FHIT: variants seen among roughly 807,000 people sequenced by gnomAD.
The protein encoded by FHIT is bis(5'-adenosyl)-triphosphatase.
FHIT carries 19 observed loss-of-function variants against 17.9 expected under a neutral mutation model. The observed-to-expected ratio is 1.06, with a 90% CI of 0.74 to 1.56. The LOEUF (loss-of-function observed/expected upper bound fraction) is 1.56. FHIT is among the 40% of genes most tolerant of loss of function. FHIT has a pLI of 0.00. For synonymous variants in FHIT, 81 were observed against 69.7 expected (o/e 1.16, Z -0.81); for missense variants, 248 against 189.2 (o/e 1.31, Z -1.82).
intron 5 of FHIT, among the ~76,000 whole-genome samples, chr3:60,518,778 G>A (rs2035251737): frequency 6.6e-6 from 1 of 152,212 alleles, no homozygotes; most frequent in Non-Finnish European, 1.5e-5. Flanking sequence ...GGAGGCAGAG[G>A]CAGGCAGATT....
At chr3:60,130,567 T>C (rs901476516) in intron 5 of FHIT, among the ~76,000 whole-genome samples, 3 of 152,168 alleles carry the variant, frequency 2.0e-5, no homozygotes, top group Non-Finnish European at 2.9e-5. Flanking sequence ...CTGATCTGTA[T>C]TTTTATACAA....
intron 4 of FHIT, among the ~76,000 whole-genome samples, chr3:60,653,137 C>G (rs1380356366): frequency 6.6e-5 from 10 of 152,060 alleles, no homozygotes; most frequent in African/African-American, 2.4e-4. Flanking sequence ...ACAAGAAAGT[C>G]TACCACAGAA....
At chr3:60,706,302 C>G (rs1283543398) in intron 4 of FHIT, among the ~76,000 whole-genome samples, 2 of 152,104 alleles carry the variant, frequency 1.3e-5, no homozygotes, top group East Asian at 3.9e-4. Context: ...GGCTTAAAAC[C>G]TAGATGACAG....
chr3:59,774,692 C>A (rs575614), intron 8 of FHIT, among the ~76,000 whole-genome samples: 4 of 151,926 alleles, frequency 2.6e-5, no homozygotes, highest in Non-Finnish European at 4.4e-5. Flanking sequence ...AATTAAAGAC[C>A]TAGGAGAGTG....
At chr3:60,258,098 A>ACC (rs767569578) in intron 5 of FHIT, among the ~76,000 whole-genome samples, 7 of 147,904 alleles carry the variant, frequency 4.7e-5, no homozygotes, top group African/African-American at 1.7e-4. Flanking sequence ...ACACACACAC[A>ACC]CACCTCTGCA....
At chr3:60,424,183 C>CAG (rs1347351025) in intron 5 of FHIT, among the ~76,000 whole-genome samples, 1 of 152,086 alleles carries the variant, frequency 6.6e-6, no homozygotes, top group African/African-American at 2.4e-5. Context: ...CGCTGAAGTT[C>CAG]AGAGAGGTTA....
intron 4 of FHIT, among the ~76,000 whole-genome samples, chr3:60,578,025 C>T (rs2037627343): frequency 6.6e-6 from 1 of 152,036 alleles, no homozygotes; most frequent in Non-Finnish European, 1.5e-5. Flanking sequence ...GCATCATGTA[C>T]CAAAGGGATA....
intron 5 of FHIT, among the ~76,000 whole-genome samples, chr3:60,151,565 G>A (rs756289041): frequency 1.4e-4 from 21 of 152,064 alleles, no homozygotes; most frequent in Non-Finnish European, 1.6e-4. Flanking sequence ...GACTTACAAG[G>A]TCTTCTCGAT....
chr3:61,186,146 A>C (rs1255991120), intron 2 of FHIT, among the ~76,000 whole-genome samples: 1 of 152,212 alleles, frequency 6.6e-6, no homozygotes, highest in Non-Finnish European at 1.5e-5. Context: ...ATAAGTACTC[A>C]AAAATAAACC....
intron 2 of FHIT, among the ~76,000 whole-genome samples, chr3:61,136,729 A>G (rs974918021): frequency 1.3e-5 from 2 of 152,186 alleles, no homozygotes; most frequent in Admixed American, 6.5e-5. Flanking sequence ...CTTTTGCTTC[A>G]CCGGAGCCTA....
intron 4 of FHIT, among the ~76,000 whole-genome samples, chr3:60,552,287 T>C (rs2107627399): frequency 6.6e-6 from 1 of 152,352 alleles, no homozygotes; most frequent in African/African-American, 2.4e-5. Flanking sequence ...GTGCTGTGAA[T>C]ATTCAGGTGC....
intron 2 of FHIT, among the ~76,000 whole-genome samples, chr3:61,178,549 CGTT>C (rs1415753906): frequency 4.6e-5 from 1 of 21,830 alleles, no homozygotes; most frequent in Admixed American, 6.6e-4. Context: ...AAGAAAAAAA[CGTT>C]GTAATTATAG....
chr3:60,379,593 T>A (rs1368273497), intron 5 of FHIT, among the ~76,000 whole-genome samples: 1 of 152,190 alleles, frequency 6.6e-6, no homozygotes, highest in Non-Finnish European at 1.5e-5. Context: ...TTTATTTCGG[T>A]ATTCAGAGCA....
chr3:60,036,151 A>G (rs2106809249), intron 5 of FHIT, among the ~76,000 whole-genome samples: 1 of 152,348 alleles, frequency 6.6e-6, no homozygotes, highest in South Asian at 2.1e-4. Context: ...CACAAGAAGC[A>G]TAATGCTACC....
At chr3:59,830,226 A>C (rs761101530) in intron 8 of FHIT, among the ~76,000 whole-genome samples, 5 of 152,244 alleles carry the variant, frequency 3.3e-5, no homozygotes, top group Non-Finnish European at 5.9e-5. Flanking sequence ...AGAAGCTATA[A>C]CAGGACATAA....
At chr3:59,791,711 T>C (rs1204185554) in intron 8 of FHIT, among the ~76,000 whole-genome samples, 1 of 152,194 alleles carries the variant, frequency 6.6e-6, no homozygotes, top group Non-Finnish European at 1.5e-5. Context: ...TAAAGGCTTG[T>C]TGAATTAAAA....
chr3:60,411,424 A>T (rs1451269769), intron 5 of FHIT, among the ~76,000 whole-genome samples: 1 of 152,194 alleles, frequency 6.6e-6, no homozygotes, highest in African/African-American at 2.4e-5. Context: ...CAGTAACCCT[A>T]CATTAGGGGA....
chr3:61,212,566 G>A (rs1017334424), intron 1 of FHIT, among the ~76,000 whole-genome samples: 2 of 152,304 alleles, frequency 1.3e-5, no homozygotes, highest in Admixed American at 6.5e-5. Flanking sequence ...GAACCAAGTT[G>A]GAAAACACTC....
At chr3:60,317,751 T>C (rs1039681380) in intron 5 of FHIT, among the ~76,000 whole-genome samples, 2 of 149,252 alleles carry the variant, frequency 1.3e-5, no homozygotes, top group African/African-American at 2.5e-5. Flanking sequence ...TACTGGGAAG[T>C]ACTAGTTCAA....
Sources: allele counts gnomAD v4.1 joint callset (sites outside exome capture counted in the v4.1 genomes callset), GRCh38; gene constraint gnomAD v4.1.1; transcripts MANE v1.5; gene names NCBI Gene and HGNC (gene_info 2026-07-23, HGNC 2026-07-21).